ASTN1: variants seen among roughly 807,000 people sequenced by gnomAD.
ASTN1 encodes the protein astrotactin 1.
ASTN1 carries 41 observed loss-of-function variants against 140.7 expected under a neutral mutation model. The observed-to-expected ratio is 0.29, with a 90% CI of 0.23 to 0.38. The LOEUF is 0.38. Ranked by LOEUF, ASTN1 falls within the 10% of genes least tolerant of loss-of-function variation. The pLI is 1.00. For missense variants in ASTN1, 1,479 were observed against 1,678.8 expected (o/e 0.88, Z 2.08); for synonymous variants, 640 against 652.2 (o/e 0.98, Z 0.29).
intron 16 of ASTN1, among the ~76,000 whole-genome samples, chr1:176,926,226 G>T (rs1045057897): frequency 2.7e-5 from 4 of 149,070 alleles, no homozygotes; most frequent in Admixed American, 2.0e-4. Context: ...AGACTTAAAT[G>T]ATATGTATGT....
At position 177,164,522 on chromosome 1, in the gene ASTN1, T is replaced by A; in HGVS notation, c.155A>T (p.Asp52Val). Reference sequence around the variant, plus strand: ...CGAGGGGCTGTGCATGATGCTCAGGTCGTTCTCGCGCAGGAAGGGCAGTGC... The same window carrying A: ...CGAGGGGCTGTGCATGATGCTCAGGACGTTCTCGCGCAGGAAGGGCAGTGC... ...VSALPFLREN[D>V]LSIMHSPSAS... The change falls in exon 1 of 23, where the codon GAC becomes GTC. Residue 52 changes from aspartate to valine, a missense_variant. Around this residue, in one of 3 missense-constraint regions of ASTN1, gnomAD observed 729 missense variants for 860.4 expected, o/e 0.85. Coordinates refer to ENST00000361833, the MANE Select transcript of ASTN1 (RefSeq NM_004319.3). 3 of 1,612,772 alleles carry A rather than the reference T, an allele frequency of 1.9e-6. No individual in the cohort carries two copies. The highest frequency in any genetic ancestry group is 2.5e-6 in the Non-Finnish European group (3 of 1,179,800).
At chr1:176,956,260 CCTTT>C (rs1672395200) in intron 11 of ASTN1, among the ~76,000 whole-genome samples, 1 of 152,158 alleles carries the variant, frequency 6.6e-6, no homozygotes, top group Non-Finnish European at 1.5e-5. Flanking sequence ...TCTCTCTCTC[CCTTT>C]CTTTTTCTTC....
At chr1:176,961,649 G>A (rs1040291102) in intron 9 of ASTN1, among the ~76,000 whole-genome samples, 9 of 152,188 alleles carry the variant, frequency 5.9e-5, no homozygotes, top group Admixed American at 2.0e-4. Context: ...AGTTCATGCT[G>A]GCTCAGGCCT....
rs201534952 is a variant in ASTN1, at chr1:177,148,154, C to CA, written c.283+16239dup. ...AATTTTCAGGCCGGGTGTGGTGGCT[C>CA]ACGCCTGTAATCCCAGCACTTTGGG... On this transcript the variant is annotated intron_variant, in intron 1 of 22. Coordinates refer to ENST00000361833, the MANE Select transcript of ASTN1 (RefSeq NM_004319.3). Among the ~76,000 whole-genome samples, 160 of 152,154 alleles carry CA rather than the reference C, an allele frequency of 1.1e-3. 4 individuals are homozygous for CA. In the East Asian group the frequency reaches 0.03, roughly 29 times the overall value.
At chr1:176,869,820 C>T (rs1377342853) in intron 21 of ASTN1, among the ~76,000 whole-genome samples, 1 of 152,084 alleles carries the variant, frequency 6.6e-6, no homozygotes, top group Non-Finnish European at 1.5e-5. Context: ...GGTGCGCATT[C>T]GGCTCAGAGA....
At chr1:177,054,199 T>C (rs1372425410) in intron 2 of ASTN1, among the ~76,000 whole-genome samples, 2 of 152,220 alleles carry the variant, frequency 1.3e-5, no homozygotes, top group East Asian at 1.9e-4. Flanking sequence ...TAGCCTGTTA[T>C]GCTCAGTCCC....
intron 1 of ASTN1, among the ~76,000 whole-genome samples, chr1:177,164,181 T>A (rs1647560668): frequency 6.6e-6 from 1 of 152,036 alleles, no homozygotes; most frequent in South Asian, 2.1e-4. Flanking sequence ...GAGAGGAGGC[T>A]CAGCATCCAG....
At chr1:177,055,635 T>C (rs539368812) in intron 2 of ASTN1, among the ~76,000 whole-genome samples, 23 of 152,358 alleles carry the variant, frequency 1.5e-4, no homozygotes, top group African/African-American at 5.3e-4. Context: ...AAAAGTCTTC[T>C]TTGAACTGAA....
intron 11 of ASTN1, among the ~76,000 whole-genome samples, chr1:176,951,361 A>G (rs1672185415): frequency 6.6e-6 from 1 of 152,246 alleles, no homozygotes; most frequent in Admixed American, 6.5e-5. Context: ...CTGCCCAGGC[A>G]TGGATGCAGG....
intron 1 of ASTN1, among the ~76,000 whole-genome samples, chr1:177,077,120 T>C (rs1052683134): frequency 1.3e-5 from 2 of 152,112 alleles, no homozygotes; most frequent in Admixed American, 6.6e-5. Context: ...TTAATATAAG[T>C]CACAGAAGCC....
chr1:177,007,116 G>A (rs1015446992), intron 8 of ASTN1, among the ~76,000 whole-genome samples: 1 of 152,182 alleles, frequency 6.6e-6, no homozygotes, highest in Non-Finnish European at 1.5e-5. Context: ...AAAGGTGCCA[G>A]GTGCGGTGGT....
chr1:177,078,867 C>T (rs143758695), intron 1 of ASTN1, among the ~76,000 whole-genome samples: 2 of 152,152 alleles, frequency 1.3e-5, no homozygotes, highest in African/African-American at 4.8e-5. Context: ...ACAAAAAATG[C>T]ACTGTACATG....
intron 14 of ASTN1, among the ~76,000 whole-genome samples, chr1:176,942,365 C>T (rs1007090823): frequency 6.6e-6 from 1 of 152,126 alleles, no homozygotes; most frequent in African/African-American, 2.4e-5. Flanking sequence ...GGCTCCAGAG[C>T]TGAGGCTGTT....
intron 1 of ASTN1, among the ~76,000 whole-genome samples, chr1:177,073,805 A>G (rs1678761157): frequency 6.6e-6 from 1 of 151,688 alleles, no homozygotes; most frequent in Non-Finnish European, 1.5e-5. Context: ...CAGTTTCCCT[A>G]TCTTTCAAAA....
chr1:177,148,620 CT>C (rs1173465113), intron 1 of ASTN1, among the ~76,000 whole-genome samples: 1 of 149,880 alleles, frequency 6.7e-6, no homozygotes, highest in Non-Finnish European at 1.5e-5. Flanking sequence ...CAAGGACTCT[CT>C]TTTTTCTTCT....
In ASTN1 at chr1:176,864,345, G is replaced by C. The variant is rs201817286; in HGVS notation, c.3824C>G (p.Thr1275Arg). 18 of 1,614,066 alleles carry C rather than the reference G, an allele frequency of 1.1e-5. No homozygotes were observed. Among genetic ancestry groups the C allele is most frequent in the Non-Finnish European group, 1.5e-5 (18 of 1,179,990 alleles). Residue 1275 changes from threonine to arginine, a missense_variant, in exon 23 of 23, where the codon ACG (threonine) becomes AGG (arginine). Physicochemically the swap from Thr to Arg is moderately conservative, Grantham distance 71 (BLOSUM62 -1). Coordinates refer to ENST00000361833, the MANE Select transcript of ASTN1 (RefSeq NM_004319.3). The stretch of plus-strand genomic sequence containing the variant: ...GATACTCAGGGTCTGCTCCTCACAC[G>C]TCTTCCTGAGGTCCCGGCTGAGCTC... ...WAELSRDLRKTCEEQTLSIPY... is the reference protein window; with the variant it reads ...WAELSRDLRKRCEEQTLSIPY...
intron 1 of ASTN1, among the ~76,000 whole-genome samples, chr1:177,100,845 C>T (rs1455783781): frequency 6.6e-6 from 1 of 152,134 alleles, no homozygotes; most frequent in Non-Finnish European, 1.5e-5. Flanking sequence ...GTAATCTCAG[C>T]ACTTTGGGAG....
At position 177,164,005 on chromosome 1, in the gene ASTN1, G is replaced by A. The variant is rs76758444; in HGVS notation, c.283+389C>T. 8.6e-3 allele frequency among the ~76,000 whole-genome samples: 1,307 copies of A among 152,296 alleles called. 26 individuals are homozygous for A. Among genetic ancestry groups the A allele is most frequent in the African/African-American group, 0.029 (1,190 of 41,554 alleles). ...GGGTATCCAGAGTGAGTGAAGCAAA[G>A]AGCTGAGCATGTGGCTAGGGAGTGG... is the stretch of plus-strand genomic sequence containing the variant. On this transcript the variant is annotated intron_variant, in intron 1 of 22. Coordinates refer to ENST00000361833, the MANE Select transcript of ASTN1 (RefSeq NM_004319.3).
chr1:176,940,868 G>A (rs1295963005), intron 14 of ASTN1, among the ~76,000 whole-genome samples: 2 of 152,272 alleles, frequency 1.3e-5, no homozygotes, highest in East Asian at 3.9e-4. Flanking sequence ...GGGAATTGCT[G>A]GCTTAAAGTG....
Sources: gnomAD v4.1 joint callset for allele counts (sites outside exome capture counted in the v4.1 genomes callset) on GRCh38, gnomAD v4.1.1 for gene constraint, gnomAD v4.1.1 regional missense constraint, MANE v1.5 for transcripts, NCBI Gene and HGNC (gene_info 2026-07-23, HGNC 2026-07-21) for gene names.